The following PARD3 variants were observed in gnomAD, a reference collection of about 807,000 sequenced individuals.
PARD3 encodes par-3 family cell polarity regulator.
A neutral mutation model predicts 155.4 loss-of-function variants in PARD3; 75 were observed. That is an observed-to-expected ratio of 0.48 (90% CI 0.40 to 0.58). The LOEUF is 0.58. PARD3 is among the 20% of genes least tolerant of loss of function. PARD3 has a pLI of 0.00. For synonymous variants in PARD3, 576 were observed against 610.5 expected, an observed-to-expected ratio of 0.94 and a Z score of 0.83; for missense variants, 1,642 against 1,721.7, an observed-to-expected ratio of 0.95 and a Z score of 0.82.
At chr10:34,119,454 C>T (rs758923089) in intron 24 of PARD3, among the ~76,000 whole-genome samples, 159 bp downstream of exon 24, 11 of 152,204 alleles carry the variant, frequency 7.2e-5, no homozygotes, top group Non-Finnish European at 1.2e-4. Flanking sequence ...CAGCCCCCCA[C>T]GCTAAGGAAC....
chr10:34,369,216 C>A (rs982924746), intron 12 of PARD3, among the ~76,000 whole-genome samples: 3 of 152,106 alleles, frequency 2.0e-5, no homozygotes, highest in Non-Finnish European at 4.4e-5. Context: ...GATCTGTGGG[C>A]CGCATGTGGT....
intron 1 of PARD3, among the ~76,000 whole-genome samples, chr10:34,762,280 G>C (rs958211172): frequency 2.2e-5 from 3 of 138,168 alleles, no homozygotes; most frequent in African/African-American, 8.0e-5. Flanking sequence ...GAGACAAAGA[G>C]ACAGAGAGAC....
chr10:34,321,206 T>C (rs1958354553), intron 19 of PARD3, among the ~76,000 whole-genome samples: 1 of 152,180 alleles, frequency 6.6e-6, no homozygotes, highest in African/African-American at 2.4e-5. Flanking sequence ...ACATAAAATA[T>C]CTTTATTCCC....
chr10:34,306,051 T>G (rs1448457277), intron 20 of PARD3, among the ~76,000 whole-genome samples: 2 of 151,996 alleles, frequency 1.3e-5, no homozygotes, highest in Non-Finnish European at 2.9e-5. Flanking sequence ...CCCAGCACTT[T>G]GAGAGGCACA....
At chr10:34,673,802 G>A (rs1345174959) in intron 2 of PARD3, among the ~76,000 whole-genome samples, 1 of 151,936 alleles carries the variant, frequency 6.6e-6, no homozygotes, top group East Asian at 1.9e-4. Context: ...ACCAGTCTGG[G>A]CAACATGGTG....
intron 5 of PARD3, among the ~76,000 whole-genome samples, chr10:34,411,200 CT>C (rs1434556469): frequency 6.6e-6 from 1 of 152,142 alleles, no homozygotes; most frequent in African/African-American, 2.4e-5. Context: ...ACACATACCC[CT>C]TATTCCCCTT....
At chr10:34,305,199 G>C (rs1216667816) in intron 20 of PARD3, among the ~76,000 whole-genome samples, 1 of 152,186 alleles carries the variant, frequency 6.6e-6, no homozygotes, top group East Asian at 1.9e-4. Context: ...AATGTCATGG[G>C]AGAAGAAACT....
At chr10:34,682,936 T>C (rs1272851717) in intron 2 of PARD3, among the ~76,000 whole-genome samples, 1 of 152,132 alleles carries the variant, frequency 6.6e-6, no homozygotes, top group African/African-American at 2.4e-5. Flanking sequence ...AGAGCCTAAT[T>C]TGACAATGGT....
chr10:34,245,693 G>A (rs1178692721), intron 22 of PARD3, among the ~76,000 whole-genome samples: 1 of 152,226 alleles, frequency 6.6e-6, no homozygotes, highest in African/African-American at 2.4e-5. Context: ...TAGGTATGAG[G>A]GCTAAGGACG....
intron 22 of PARD3, among the ~76,000 whole-genome samples, chr10:34,215,770 G>A (rs781677185): frequency 6.6e-6 from 1 of 152,218 alleles, no homozygotes; most frequent in African/African-American, 2.4e-5. Flanking sequence ...TATATTCGCA[G>A]TTAAATGAGT....
At chr10:34,134,001 T>C (rs1330465785) in intron 22 of PARD3, among the ~76,000 whole-genome samples, 1 of 152,202 alleles carries the variant, frequency 6.6e-6, no homozygotes, top group Non-Finnish European at 1.5e-5. Context: ...CCTGGAACAT[T>C]AAAGGTGAAC....
chr10:34,372,909 A>G (rs1840836024), intron 11 of PARD3, among the ~76,000 whole-genome samples: 1 of 152,158 alleles, frequency 6.6e-6, no homozygotes, highest in African/African-American at 2.4e-5. Flanking sequence ...TCATTTGATA[A>G]CTAGACCAGA....
chr10:34,442,588 T>C (rs1040730695), intron 5 of PARD3, among the ~76,000 whole-genome samples: 1 of 151,918 alleles, frequency 6.6e-6, no homozygotes, highest in African/African-American at 2.4e-5. Flanking sequence ...AGAAAGAAAA[T>C]ACAGGCATCA....
intron 1 of PARD3, among the ~76,000 whole-genome samples, chr10:34,740,429 T>A (rs2094988324): frequency 6.6e-6 from 1 of 152,236 alleles, no homozygotes; most frequent in African/African-American, 2.4e-5. Flanking sequence ...GACCCAAGAA[T>A]CTTTTGAATC....
At chr10:34,517,186 TATAA>T (rs1270295192) in intron 2 of PARD3, 27 bp from the exon 3 acceptor site, 1 of 1,597,568 alleles carries the variant, frequency 6.3e-7, no homozygotes, top group Non-Finnish European at 8.5e-7. Context: ...AATGTGCACT[TATAA>T]ATAAAGGCAC....
chr10:34,490,774 G>A (rs922940871), intron 3 of PARD3, among the ~76,000 whole-genome samples: 20 of 152,054 alleles, frequency 1.3e-4, no homozygotes, highest in Admixed American at 1.2e-3. Flanking sequence ...CCATCCAAAC[G>A]TCACACTTGT....
chr10:34,461,568 T>G (rs1416047834), intron 4 of PARD3, among the ~76,000 whole-genome samples: 1 of 152,162 alleles, frequency 6.6e-6, no homozygotes, highest in Non-Finnish European at 1.5e-5. Context: ...ATCACACCAC[T>G]GCATTCCAGC....
intron 1 of PARD3, among the ~76,000 whole-genome samples, chr10:34,756,644 G>C (rs1836783870): frequency 6.6e-6 from 1 of 151,454 alleles, no homozygotes; most frequent in African/African-American, 2.4e-5. Context: ...TATAGAGATG[G>C]GGTCTCACTA....
At chr10:34,660,742 C>T (rs1350396744) in intron 2 of PARD3, among the ~76,000 whole-genome samples, 1 of 152,128 alleles carries the variant, frequency 6.6e-6, no homozygotes, top group African/African-American at 2.4e-5. Flanking sequence ...AAGTTGCCAA[C>T]ACCAGATTCC....
Sources: gnomAD v4.1 joint callset for allele counts (sites outside exome capture counted in the v4.1 genomes callset) on GRCh38, gnomAD v4.1.1 for gene constraint, MANE v1.5 for transcripts, NCBI Gene and HGNC (gene_info 2026-07-23, HGNC 2026-07-21) for gene names.